GPHN: variants seen among roughly 807,000 people sequenced by gnomAD.
The protein encoded by GPHN is gephyrin.
Under a neutral mutation model 95.5 loss-of-function variants are expected in GPHN, and 17 were observed. That is an observed-to-expected ratio of 0.18 (90% CI 0.12 to 0.27). GPHN has a LOEUF of 0.27. GPHN is among the 10% of genes least tolerant of loss of function. The pLI, the probability that GPHN is intolerant of heterozygous loss-of-function variation, is 1.00. For missense variants in GPHN, 660 were observed against 978.1 expected (o/e 0.67, Z 4.34); for synonymous variants, 320 against 322.5 (o/e 0.99, Z 0.08).
chr14:66,822,112 C>T (rs1260465099), intron 3 of GPHN, among the ~76,000 whole-genome samples: 7 of 152,016 alleles, frequency 4.6e-5, no homozygotes, highest in African/African-American at 1.7e-4. Context: ...CCACCGTGCC[C>T]GGCCAATTTT....
the GPHN span, chr14:67,725,014 T>A: frequency 4.9e-6 from 7 of 1,440,096 alleles, no homozygotes; most frequent in Admixed American, 8.4e-5. Context: ...ATGAATGCTC[T>A]GTCCCCCAGT....
chr14:66,909,971 T>C (rs2065586870), intron 5 of GPHN, among the ~76,000 whole-genome samples: 1 of 151,996 alleles, frequency 6.6e-6, no homozygotes, highest in Admixed American at 6.6e-5. Flanking sequence ...TCATATTTAC[T>C]GTTTATTTCA....
chr14:66,632,972 ATTC>A (rs982047779), intron 1 of GPHN, among the ~76,000 whole-genome samples: 5 of 152,330 alleles, frequency 3.3e-5, no homozygotes, highest in East Asian at 1.9e-4. Context: ...GACTATTACC[ATTC>A]TTCTTTCTGT....
intron 2 of GPHN, among the ~76,000 whole-genome samples, chr14:66,729,014 G>C (rs2071512890): frequency 6.6e-6 from 1 of 152,148 alleles, no homozygotes; most frequent in East Asian, 1.9e-4. Flanking sequence ...TTCCAATGCT[G>C]TTCTTGTGAT....
At chr14:66,603,782 T>A (rs1041703736) in intron 1 of GPHN, among the ~76,000 whole-genome samples, 9 of 152,034 alleles carry the variant, frequency 5.9e-5, no homozygotes, top group Non-Finnish European at 5.9e-5. Context: ...TTTATTCTAT[T>A]TCTACATAGG....
chr14:66,825,494 T>C (rs974710351), intron 4 of GPHN, among the ~76,000 whole-genome samples: 23 of 152,132 alleles, frequency 1.5e-4, no homozygotes, highest in Admixed American at 3.3e-4. Context: ...AGAGGACTTA[T>C]TAAAACACAA....
the GPHN span, among the ~76,000 whole-genome samples, chr14:67,695,337 C>T: frequency 1.3e-5 from 2 of 152,190 alleles, no homozygotes; most frequent in East Asian, 1.9e-4. Flanking sequence ...TTGAGGTAGC[C>T]TTACCCTCGG....
At chr14:67,664,524 T>A in the GPHN span, among the ~76,000 whole-genome samples, 1 of 148,700 alleles carries the variant, frequency 6.7e-6, no homozygotes, top group South Asian at 2.1e-4. Flanking sequence ...TGAGACAGAG[T>A]CTTGCTCTGT....
rs982118389 is a variant in GPHN, at chr14:66,691,385, G to A, written c.143+10200G>A. ...TTTTCGGTAGAGACAAGGTTTCACCGTGATGGCCAGGATGGTCTCGATCTC... is the reference window on the plus strand; with the variant it reads ...TTTTCGGTAGAGACAAGGTTTCACCATGATGGCCAGGATGGTCTCGATCTC... On this transcript the variant is annotated intron_variant, in intron 2 of 22. Coordinates refer to ENST00000478722, the MANE Select transcript of GPHN (RefSeq NM_020806.5). 5.3e-5 allele frequency among the ~76,000 whole-genome samples: 8 copies of A among 151,690 alleles called. No homozygotes were observed. In the East Asian group the frequency reaches 9.7e-4, roughly 18 times the overall value.
chr14:66,682,089 A>T (rs1468994314), intron 2 of GPHN, among the ~76,000 whole-genome samples: 1 of 152,220 alleles, frequency 6.6e-6, no homozygotes, highest in Non-Finnish European at 1.5e-5. Context: ...TTCTTTAATG[A>T]TTGACTAGTC....
At chr14:67,397,674 A>G in the GPHN span, 4 of 1,611,472 alleles carry the variant, frequency 2.5e-6, no homozygotes, top group South Asian at 1.1e-5. Context: ...GTCGGTTTTC[A>G]TACTCCAGGC....
At chr14:67,426,401 GC>G in the GPHN span, among the ~76,000 whole-genome samples, 1 of 152,264 alleles carries the variant, frequency 6.6e-6, no homozygotes, top group East Asian at 1.9e-4. Context: ...TAGGAGAACA[GC>G]TGTCATGTGC....
the GPHN span, chr14:67,204,809 T>TCA: frequency 1.2e-6 from 2 of 1,613,944 alleles, no homozygotes. Flanking sequence ...GTCACCACGT[T>TCA]CACAGCCATC....
the GPHN span, among the ~76,000 whole-genome samples, chr14:67,276,529 A>G: frequency 6.6e-6 from 1 of 152,190 alleles, no homozygotes; most frequent in African/African-American, 2.4e-5. Flanking sequence ...AGTTGAACAG[A>G]TATTTATTGG....
chr14:67,177,615 T>C (rs2083070425), intron 21 of GPHN, among the ~76,000 whole-genome samples: 1 of 152,200 alleles, frequency 6.6e-6, no homozygotes, highest in African/African-American at 2.4e-5. Context: ...AAAGCTGAGT[T>C]CAAGTCCTGG....
chr14:66,545,014 C>T lies in GPHN; in HGVS notation c.64+36423C>T, dbSNP rs1019060664. 2.6e-5 allele frequency among the ~76,000 whole-genome samples: 4 copies of T among 152,334 alleles called. No individual in the cohort carries two copies. The South Asian group carries it at 6.2e-4, about 24-fold the overall frequency. On this transcript the variant is annotated intron_variant, in intron 1 of 22. Transcript: ENST00000478722. ...CTACTACACAAACACGGCAACCATCCGATTTCTCACTCTTTTCCCCACTTT... is the reference window on the plus strand; with the variant it reads ...CTACTACACAAACACGGCAACCATCTGATTTCTCACTCTTTTCCCCACTTT...
At chr14:66,751,027 G>A (rs1017518608) in intron 2 of GPHN, among the ~76,000 whole-genome samples, 47 of 151,720 alleles carry the variant, frequency 3.1e-4, no homozygotes, top group African/African-American at 1.1e-3. Context: ...AGAAGTCACA[G>A]AATTTTTAAA....
rs56906168 is a variant in GPHN, at chr14:66,676,672, A to ATTTTTT, written c.65-4424_65-4419dup. 1.4e-3 allele frequency among the ~76,000 whole-genome samples: 176 copies of ATTTTTT among 126,046 alleles called. 2 individuals are homozygous for ATTTTTT. The highest frequency in any genetic ancestry group is 4.3e-3 in the Middle Eastern group (1 of 234). 82.7% of individuals were successfully genotyped at this position (126,046 alleles called of 152,430 possible). On this transcript the variant is annotated intron_variant, in intron 1 of 22. Transcript: ENST00000478722. ...GATAAATTCCACTCAATCGTAGTGT[A>ATTTTTT]TTTTTTTTTTTTTTTTGATGTGCCT...
intron 3 of GPHN, among the ~76,000 whole-genome samples, chr14:66,813,142 G>A (rs369019426): frequency 1.2e-3 from 182 of 152,164 alleles, no homozygotes; most frequent in African/African-American, 4.0e-3. Context: ...TTTATACCAC[G>A]TTTAATTTTT....
Sources: allele counts gnomAD v4.1 joint callset (sites outside exome capture counted in the v4.1 genomes callset), GRCh38; gene constraint gnomAD v4.1.1; transcripts MANE v1.5; gene names NCBI Gene and HGNC (gene_info 2026-07-23, HGNC 2026-07-21).